SPOCK3: variants seen among roughly 807,000 people sequenced by gnomAD.
SPOCK3 encodes the protein SPARC (osteonectin), cwcv and kazal like domains proteoglycan 3, also known as testican-3.
In SPOCK3, 30 loss-of-function variants were observed where a neutral mutation model predicts 56.6. The ratio of observed to expected loss-of-function variants is 0.53; its 90% CI spans 0.40 to 0.72. The LOEUF (loss-of-function observed/expected upper bound fraction) is 0.72. Among genes scored for constraint, SPOCK3 ranks in the 30% least tolerant of loss-of-function variants. SPOCK3 has a pLI of 0.00. For synonymous variants in SPOCK3, 196 were observed against 183.3 expected, an observed-to-expected ratio of 1.07 and a Z score of -0.56; for missense variants, 527 against 530.0, an observed-to-expected ratio of 0.99 and a Z score of 0.06.
intron 6 of SPOCK3, among the ~76,000 whole-genome samples, chr4:166,850,344 T>C (rs1356869192): frequency 6.6e-6 from 1 of 152,104 alleles, no homozygotes; most frequent in Non-Finnish European, 1.5e-5. Flanking sequence ...ATAAAAAAAT[T>C]TGAATGGAAT....
chr4:167,233,412 G>A (rs1032023422), intron 2 of SPOCK3, among the ~76,000 whole-genome samples: 2 of 152,164 alleles, frequency 1.3e-5, no homozygotes, highest in Admixed American at 1.3e-4. Flanking sequence ...TTGCAAAGAT[G>A]TTCTAGATTA....
chr4:166,799,823 C>T (rs934036834), intron 6 of SPOCK3, among the ~76,000 whole-genome samples: 8 of 151,918 alleles, frequency 5.3e-5, no homozygotes, highest in Non-Finnish European at 1.0e-4. Context: ...AGGAACCCCC[C>T]GACAAGAAAG....
At chr4:166,747,409 A>C (rs911795071) in intron 8 of SPOCK3, among the ~76,000 whole-genome samples, 1 of 152,208 alleles carries the variant, frequency 6.6e-6, no homozygotes, top group Admixed American at 6.5e-5. Context: ...ATAGTTGCAG[A>C]AAAGGCCTTT....
chr4:166,971,412 G>A (rs962803503), intron 4 of SPOCK3, among the ~76,000 whole-genome samples: 3 of 151,056 alleles, frequency 2.0e-5, no homozygotes, highest in Admixed American at 6.6e-5. Context: ...AAGAGGATTC[G>A]AAGATTACTT....
chr4:167,145,976 T>C (rs931787496), intron 2 of SPOCK3, among the ~76,000 whole-genome samples: 1 of 152,116 alleles, frequency 6.6e-6, no homozygotes, highest in African/African-American at 2.4e-5. Context: ...ACCTTAAATG[T>C]AAACAGGCTA....
Position 166,735,054 on chromosome 4 carries a change from C to A in SPOCK3, c.1169G>T (p.Gly390Val). ...ATCATCAGTCCATTCATGAAAATCG[C>A]CACTAGCAAAATCTCCGGAGATCTC... ...DFEISGDFAS[G>V]DFHEWTDDED... The change falls in exon 11 of 11, where the codon GGC becomes GTC. Residue 390 changes from glycine (G) to valine (V), a missense_variant. Physicochemically the swap from Gly to Val is moderately radical, Grantham distance 109. Coordinates refer to ENST00000357545, the MANE Select transcript of SPOCK3 (RefSeq NM_001040159.2). The A allele has an allele frequency of 6.2e-7, 1 of 1,604,850 alleles. No individual in the cohort carries two copies. Among genetic ancestry groups the A allele is most frequent in the Non-Finnish European group, 8.5e-7 (1 of 1,173,920 alleles).
In SPOCK3 at chr4:167,057,240, C is replaced by A. The variant is rs1040231313; in HGVS notation, c.235+5252G>T. Among the ~76,000 whole-genome samples, 24 of 152,188 alleles carry A rather than the reference C, an allele frequency of 1.6e-4. No homozygotes were observed. The South Asian group carries it at 2.9e-3, about 18-fold the overall frequency. ...ACTTTACAGACAAGCAAATGCTCAG[C>A]GATTTTGTCACCACCAGGCCTGCCC... is the stretch of plus-strand genomic sequence containing the variant. On this transcript the variant is annotated intron_variant, in intron 3 of 10. Coordinates refer to ENST00000357545, the MANE Select transcript of SPOCK3 (RefSeq NM_001040159.2).
At chr4:166,741,648 A>G (rs2126393664) in intron 9 of SPOCK3, among the ~76,000 whole-genome samples, 1 of 152,312 alleles carries the variant, frequency 6.6e-6, no homozygotes, top group South Asian at 2.1e-4. Flanking sequence ...TACATGCTTT[A>G]AATAGCACAT....
chr4:166,900,336 G>A (rs150159491), intron 5 of SPOCK3, among the ~76,000 whole-genome samples: 145 of 152,110 alleles, frequency 9.5e-4, no homozygotes, highest in African/African-American at 3.2e-3. Context: ...TGATATTGTT[G>A]GGCATTGGGA....
chr4:166,737,227 A>C lies in SPOCK3; in HGVS notation c.1132+240T>G, dbSNP rs141346689. Among the ~76,000 whole-genome samples the C allele has an allele frequency of 6.4e-3, 977 of 152,266 alleles. 8 individuals are homozygous for C. The highest frequency in any genetic ancestry group is 0.022 in the African/African-American group (915 of 41,570). ...ACAACTTTCTGAATTTGAAGTAGGA[A>C]AGGAACTCAGCTTTTAATTAATCTC... On this transcript the variant is annotated intron_variant, in intron 10 of 10. Transcript: ENST00000357545.
At chr4:166,963,032 G>A (rs1561061647) in intron 4 of SPOCK3, among the ~76,000 whole-genome samples, 1 of 151,950 alleles carries the variant, frequency 6.6e-6, no homozygotes, top group African/African-American at 2.4e-5. Context: ...TATGTTCTAG[G>A]TAGGACAATT....
chr4:166,812,778 A>G (rs1339427715), intron 6 of SPOCK3, among the ~76,000 whole-genome samples: 1 of 151,992 alleles, frequency 6.6e-6, no homozygotes, highest in Admixed American at 6.6e-5. Context: ...TAAAAGTCTT[A>G]AAGGCTATAT....
At chr4:166,869,109 T>C (rs967879313) in intron 6 of SPOCK3, among the ~76,000 whole-genome samples, 1 of 148,980 alleles carries the variant, frequency 6.7e-6, no homozygotes, top group African/African-American at 2.4e-5. Flanking sequence ...AGCTCTCCAT[T>C]TGACTCAACT....
At chr4:166,955,851 A>G (rs1743397908) in intron 4 of SPOCK3, among the ~76,000 whole-genome samples, 1 of 151,794 alleles carries the variant, frequency 6.6e-6, no homozygotes, top group Admixed American at 6.6e-5. Flanking sequence ...GAGGAGCAGG[A>G]TAGATGTCCC....
At chr4:167,208,898 A>G in intron 2 of SPOCK3, among the ~76,000 whole-genome samples, 1 of 152,130 alleles carries the variant, frequency 6.6e-6, no homozygotes, top group East Asian at 1.9e-4. Context: ...AACAGCTTAG[A>G]GTTATATTTG....
chr4:167,025,224 T>C (rs1256748617), intron 3 of SPOCK3, among the ~76,000 whole-genome samples: 1 of 143,958 alleles, frequency 6.9e-6, no homozygotes. Context: ...CTGAATGCTT[T>C]TTTTTTTTTC....
At chr4:166,740,947 A>T (rs901618357) in intron 9 of SPOCK3, among the ~76,000 whole-genome samples, 2 of 152,188 alleles carry the variant, frequency 1.3e-5, no homozygotes, top group Non-Finnish European at 2.9e-5. Flanking sequence ...ATGTTTTATT[A>T]CAAAACATTA....
intron 2 of SPOCK3, among the ~76,000 whole-genome samples, chr4:167,227,670 A>T (rs1365166749): frequency 6.6e-6 from 1 of 152,194 alleles, no homozygotes; most frequent in Non-Finnish European, 1.5e-5. Context: ...TAAATACTCC[A>T]GGAGCTTACA....
intron 3 of SPOCK3, 48 bp downstream of exon 3, chr4:167,062,444 G>A (rs1261340764): frequency 7.2e-7 from 1 of 1,380,942 alleles, no homozygotes; most frequent in South Asian, 1.2e-5. Context: ...AAAGTACAAT[G>A]ATTATGAACA....
Sources: allele counts gnomAD v4.1 joint callset (sites outside exome capture counted in the v4.1 genomes callset), GRCh38; gene constraint gnomAD v4.1.1; transcripts MANE v1.5; gene names NCBI Gene and HGNC (gene_info 2026-07-23, HGNC 2026-07-21).